Variants in IL22RA1 observed in about 807,000 individuals in gnomAD.
The protein encoded by IL22RA1 is interleukin-22 receptor subunit alpha-1.
A neutral mutation model predicts 32.8 loss-of-function variants in IL22RA1; 25 were observed. The observed-to-expected ratio is 0.76, with a 90% CI of 0.55 to 1.06. The LOEUF (loss-of-function observed/expected upper bound fraction) is 1.06, where lower values mean the gene tolerates loss of function less well. Among genes scored for constraint, IL22RA1 ranks in the 50% least tolerant of loss-of-function variants. IL22RA1 has a pLI of 0.00. For synonymous variants in IL22RA1, 305 were observed against 305.0 expected (o/e 1.00, Z 0.00); for missense variants, 709 against 727.4 (o/e 0.97, Z 0.29).
intron 4 of IL22RA1, among the ~76,000 whole-genome samples, chr1:24,133,147 T>A (rs1406807081): frequency 6.6e-6 from 1 of 151,262 alleles, no homozygotes; most frequent in Non-Finnish European, 1.5e-5. Context: ...TTCTGTGGCA[T>A]GCCAGGTAAT....
At chr1:24,121,970 A>G (rs967482653) in intron 6 of IL22RA1, among the ~76,000 whole-genome samples, 1 of 151,988 alleles carries the variant, frequency 6.6e-6, no homozygotes, top group Non-Finnish European at 1.5e-5. Flanking sequence ...TCTCAGGGAG[A>G]GAGATCTGGG....
intron 3 of IL22RA1, among the ~76,000 whole-genome samples, chr1:24,135,755 A>G (rs1044741627): frequency 1.3e-5 from 2 of 152,214 alleles, no homozygotes; most frequent in East Asian, 3.8e-4. Flanking sequence ...AGCCCCTTAT[A>G]AAACCATCAG....
Position 24,138,623 on chromosome 1 carries a change from C to T in IL22RA1, c.135G>A (p.Pro45=), listed in dbSNP as rs10903022. 0.4 allele frequency: 643,489 copies of T among 1,613,546 alleles called. 133,757 individuals are homozygous for T. Among genetic ancestry groups the T allele is most frequent in the East Asian group, 0.74 (33,101 of 44,828 alleles). The part of the protein sequence containing the change: ...FENILTWDSG[P]EGTPDTVYSI... ...TGTAGACCGTGTCTGGGGTGCCCTC[C>T]GGCCCGCTGTCCCACGTCAGGATGT... The change falls in exon 2 of 7, where the codon CCG becomes CCA. Residue 45 remains proline, a synonymous_variant. Transcript: ENST00000270800.
At chr1:24,140,035 A>G (rs1335586488) in intron 1 of IL22RA1, among the ~76,000 whole-genome samples, 1 of 152,242 alleles carries the variant, frequency 6.6e-6, no homozygotes, top group Admixed American at 6.5e-5. Context: ...CAATTGCCTC[A>G]TCTCTAAAAT....
intron 3 of IL22RA1, among the ~76,000 whole-genome samples, chr1:24,136,832 A>G (rs1441955227): frequency 6.6e-6 from 1 of 152,096 alleles, no homozygotes; most frequent in Non-Finnish European, 1.5e-5. Context: ...GGTGGTAAAG[A>G]GGAGAGTTGG....
intron 4 of IL22RA1, among the ~76,000 whole-genome samples, chr1:24,132,043 A>G (rs1450726640): frequency 1.3e-5 from 2 of 152,198 alleles, no homozygotes; most frequent in Non-Finnish European, 2.9e-5. Context: ...TGGCTCCCCC[A>G]ACTACCGAAA....
intron 5 of IL22RA1, 71 bp from the exon 6 acceptor site, chr1:24,123,494 C>G: frequency 6.4e-7 from 1 of 1,567,618 alleles, no homozygotes; most frequent in Non-Finnish European, 8.7e-7. Context: ...GGGTCTGGCC[C>G]CACATGTGGA....
chr1:24,137,670 C>G (rs1047107470), intron 2 of IL22RA1, among the ~76,000 whole-genome samples: 1 of 151,988 alleles, frequency 6.6e-6, no homozygotes, highest in Non-Finnish European at 1.5e-5. Context: ...GAGTGCACCA[C>G]CATGCCTGGC....
At chr1:24,134,474 G>T in intron 3 of IL22RA1, 88 bp from the exon 4 acceptor site, 1 of 943,890 alleles carries the variant, frequency 1.1e-6, no homozygotes, top group Non-Finnish European at 1.5e-6. Context: ...GAAAATGACT[G>T]CTCCCTCTCT....
At chr1:24,123,157 G>T in intron 6 of IL22RA1, 145 bp downstream of exon 6, 2 of 1,243,874 alleles carry the variant, frequency 1.6e-6, no homozygotes, top group Non-Finnish European at 2.2e-6. Flanking sequence ...GTTGACTTTA[G>T]CTGGGACTGT....
rs201697744 is a variant in IL22RA1 at position 24,138,720 on chromosome 1, G to C, written c.44-6C>G. On this transcript the variant is annotated splice_polypyrimidine_tract_variant and splice_region_variant and intron_variant, in intron 1 of 6. Transcript: ENST00000270800. ...GGGGTCCTCAGGGGCGTGAGCTGCA[G>C]GAGGGTGGGAGGAGGGTGAGCAGGG... 4.3e-5 allele frequency: 70 copies of C among 1,613,496 alleles called. No homozygotes were observed. Among genetic ancestry groups the C allele is most frequent in the Non-Finnish European group, 6.8e-6 (8 of 1,179,814 alleles).
chr1:24,124,326 C>A (rs1644146988), intron 5 of IL22RA1, among the ~76,000 whole-genome samples: 2 of 152,062 alleles, frequency 1.3e-5, no homozygotes, highest in Non-Finnish European at 2.9e-5. Flanking sequence ...AGATCTTGGT[C>A]AAGAAGGGAG....
chr1:24,137,941 G>A (rs773866679), intron 2 of IL22RA1, among the ~76,000 whole-genome samples: 13 of 152,158 alleles, frequency 8.5e-5, no homozygotes, highest in South Asian at 2.1e-4. Context: ...TTCTGGGCTC[G>A]TCATCACCAT....
intron 1 of IL22RA1, among the ~76,000 whole-genome samples, chr1:24,140,655 C>G (rs1644274338): frequency 6.6e-6 from 1 of 152,140 alleles, no homozygotes; most frequent in Non-Finnish European, 1.5e-5. Context: ...GCAATCTGCA[C>G]TGTAAACAAA....
In IL22RA1 at chr1:24,134,359, C is replaced by G; in HGVS notation, c.383G>C (p.Cys128Ser). 6.5e-7 allele frequency: 1 copy of G among 1,549,480 alleles called. No individual in the cohort carries two copies. The highest frequency in any genetic ancestry group is 8.7e-7 in the Non-Finnish European group (1 of 1,145,332). Reference sequence around the variant, plus strand: ...CTGAATCGATCTCACTTTGGAGATACAGGTCACATCAGGTGGCTTGAGGGT... The same window carrying G: ...CTGAATCGATCTCACTTTGGAGATAGAGGTCACATCAGGTGGCTTGAGGGT... Reference protein sequence around the residue: ...HTTLKPPDVTCISKVRSIQMI... With the variant: ...HTTLKPPDVTSISKVRSIQMI... Residue 128 changes from cysteine to serine, a missense_variant, in exon 4 of 7, where the codon TGT becomes TCT. Coordinates refer to ENST00000270800, the MANE Select transcript of IL22RA1 (RefSeq NM_021258.4).
chr1:24,142,909 C>T (rs1644291521), intron 1 of IL22RA1, 131 bp downstream of exon 1: 5 of 865,294 alleles, frequency 5.8e-6, no homozygotes, highest in Non-Finnish European at 9.5e-6. Flanking sequence ...ACACCCGGCA[C>T]CCTGCTCAGC....
chr1:24,128,353 C>A lies in IL22RA1; in HGVS notation c.532-74G>T, dbSNP rs545237896. The A allele has an allele frequency of 4.5e-5, 71 of 1,580,106 alleles. No homozygotes were observed. The Admixed American group carries it at 1.0e-3, about 23-fold the overall frequency. Reference sequence around the variant, plus strand: ...CACATAGAGCCCAAGGAAGCTTGCTCGCTCCTCCTGGATTCTGGTTTGATG... The same window carrying A: ...CACATAGAGCCCAAGGAAGCTTGCTAGCTCCTCCTGGATTCTGGTTTGATG... On this transcript the variant is annotated intron_variant, in intron 4 of 6. Transcript: ENST00000270800.
At chr1:24,126,412 A>G (rs1181033371) in intron 5 of IL22RA1, among the ~76,000 whole-genome samples, 1 of 152,230 alleles carries the variant, frequency 6.6e-6, no homozygotes, top group Admixed American at 6.5e-5. Flanking sequence ...CAGCTCTGGC[A>G]GCTGCCTGGC....
intron 4 of IL22RA1, among the ~76,000 whole-genome samples, chr1:24,131,507 G>A (rs1209560325): frequency 6.6e-6 from 1 of 152,120 alleles, no homozygotes; most frequent in African/African-American, 2.4e-5. Context: ...CAAAGAGTAT[G>A]ACTACAAATA....
Sources: allele counts gnomAD v4.1 joint callset (sites outside exome capture counted in the v4.1 genomes callset), GRCh38; gene constraint gnomAD v4.1.1; transcripts MANE v1.5; gene names NCBI Gene and HGNC (gene_info 2026-07-23, HGNC 2026-07-21).